DLGAP4: variants seen among roughly 807,000 people sequenced by gnomAD.
The protein encoded by DLGAP4 is DLG associated protein 4.
A neutral mutation model predicts 86.9 loss-of-function variants in DLGAP4; 18 were observed. The ratio of observed to expected loss-of-function variants is 0.21; its 90% CI spans 0.14 to 0.31. The LOEUF (loss-of-function observed/expected upper bound fraction) is 0.31, where lower values mean the gene tolerates loss of function less well. DLGAP4 is among the 10% of genes least tolerant of loss of function. The pLI, the probability that DLGAP4 is intolerant of heterozygous loss-of-function variation, is 1.00. For synonymous variants in DLGAP4, 548 were observed against 574.3 expected (o/e 0.95, Z 0.65); for missense variants, 1,085 against 1,362.6 (o/e 0.80, Z 3.21).
At chr20:36,522,156 T>C (rs2037418595) in intron 10 of DLGAP4, among the ~76,000 whole-genome samples, 1 of 152,114 alleles carries the variant, frequency 6.6e-6, no homozygotes, top group Non-Finnish European at 1.5e-5. Context: ...CCACACTCTT[T>C]CTTTTTTGTT....
chr20:36,507,528 G>A (rs183445997), intron 10 of DLGAP4, among the ~76,000 whole-genome samples: 209 of 152,182 alleles, frequency 1.4e-3, no homozygotes, highest in South Asian at 2.7e-3. Context: ...ACACCCAGCC[G>A]TGGCCACAAG....
At chr20:36,522,776 C>G (rs961246799) in intron 10 of DLGAP4, among the ~76,000 whole-genome samples, 1 of 152,058 alleles carries the variant, frequency 6.6e-6, no homozygotes, top group Non-Finnish European at 1.5e-5. Context: ...TCAGCCTCCC[C>G]CATCTTGTTT....
chr20:36,462,214 G>T (rs1329911776), intron 7 of DLGAP4: 3 of 1,135,300 alleles, frequency 2.6e-6, no homozygotes, highest in African/African-American at 3.3e-5. Flanking sequence ...CCCCCAATAT[G>T]TCCTCAGCTC....
At chr20:36,382,654 C>T (rs1383546924) in intron 2 of DLGAP4, among the ~76,000 whole-genome samples, 10 of 151,222 alleles carry the variant, frequency 6.6e-5, no homozygotes, top group African/African-American at 1.7e-4. Context: ...CTCAGCCTCC[C>T]GAGTAGCTGG....
chr20:36,335,337 G>A (rs2147365656), intron 1 of DLGAP4, among the ~76,000 whole-genome samples: 1 of 152,358 alleles, frequency 6.6e-6, no homozygotes, highest in South Asian at 2.1e-4. Context: ...CTGGGTTTCA[G>A]TCTCATCTTT....
At chr20:36,505,279 G>A (rs1015814654) in intron 10 of DLGAP4, among the ~76,000 whole-genome samples, 6 of 151,848 alleles carry the variant, frequency 4.0e-5, no homozygotes, top group African/African-American at 9.7e-5. Flanking sequence ...GAGCCACCAC[G>A]CCTGGCTGAC....
At chr20:36,485,514 C>T (rs1036463437) in intron 7 of DLGAP4, among the ~76,000 whole-genome samples, 6 of 152,140 alleles carry the variant, frequency 3.9e-5, no homozygotes, top group African/African-American at 4.8e-5. Context: ...CTGTGACCCC[C>T]GTTCAGGGAC....
intron 12 of DLGAP4, among the ~76,000 whole-genome samples, chr20:36,526,420 C>T (rs1736731479): frequency 6.6e-6 from 1 of 152,080 alleles, no homozygotes; most frequent in South Asian, 2.1e-4. Flanking sequence ...AACCAGTGAC[C>T]CCTGTTGAAC....
chr20:36,323,435 A>C (rs546609787), intron 1 of DLGAP4, among the ~76,000 whole-genome samples: 1 of 152,128 alleles, frequency 6.6e-6, no homozygotes, highest in Non-Finnish European at 1.5e-5. Flanking sequence ...GTGTATTGGT[A>C]AGTTTTCTTT....
At position 36,350,654 on chromosome 20, in the gene DLGAP4, C is replaced by T. The variant is rs1461859248; in HGVS notation, c.-303-16391C>T. ...GGGGCCTATCATGACCTCCTTTGTTCCAAAAAGTATCAGCCCAGGCCTCTG... is the reference window on the plus strand; with the variant it reads ...GGGGCCTATCATGACCTCCTTTGTTTCAAAAAGTATCAGCCCAGGCCTCTG... On this transcript the variant is annotated intron_variant, in intron 1 of 12. Coordinates refer to ENST00000339266, the MANE Select transcript of DLGAP4 (RefSeq NM_001365621.2). This position sits in a 1 kb window ranked among gnomAD's most constrained non-coding sequence, Gnocchi z 4.4. Among the ~76,000 whole-genome samples the T allele has an allele frequency of 6.6e-6, 1 of 152,206 alleles. No individual in the cohort carries two copies. The highest frequency in any genetic ancestry group is 1.5e-5 in the Non-Finnish European group (1 of 68,032).
At chr20:36,517,769 C>A (rs371165158) in intron 10 of DLGAP4, among the ~76,000 whole-genome samples, 16 of 152,272 alleles carry the variant, frequency 1.1e-4, no homozygotes, top group African/African-American at 3.6e-4. Flanking sequence ...TATTTTAGTA[C>A]ACTGCCGGGT....
chr20:36,493,539 C>A (rs922973506), intron 7 of DLGAP4, among the ~76,000 whole-genome samples: 2 of 152,234 alleles, frequency 1.3e-5, no homozygotes, highest in African/African-American at 2.4e-5. Flanking sequence ...CTGCCTCCGT[C>A]GAGGCCCTTT....
intron 2 of DLGAP4, among the ~76,000 whole-genome samples, chr20:36,410,057 C>G (rs2032454238): frequency 6.6e-6 from 1 of 151,806 alleles, no homozygotes; most frequent in South Asian, 2.1e-4. Flanking sequence ...AAAAAGTACT[C>G]CTCCTACTCT....
chr20:36,433,015 A>G (rs556276190), intron 3 of DLGAP4, among the ~76,000 whole-genome samples: 1 of 152,202 alleles, frequency 6.6e-6, no homozygotes, highest in South Asian at 2.1e-4. Flanking sequence ...TCACAGAACC[A>G]ATTGCATGAC....
At position 36,345,427 on chromosome 20, in the gene DLGAP4, G is replaced by C. The variant is rs2029907025; in HGVS notation, c.-303-21618G>C. On this transcript the variant is annotated intron_variant, in intron 1 of 12. Transcript: ENST00000339266. Reference sequence around the variant, plus strand: ...ACACACTGTGGCAGATAGAGCGTTGGCTCTGGGGCCAGCTGGCCTAAGTTC... The same window carrying C: ...ACACACTGTGGCAGATAGAGCGTTGCCTCTGGGGCCAGCTGGCCTAAGTTC... 1.3e-5 allele frequency among the ~76,000 whole-genome samples: 2 copies of C among 152,208 alleles called. 1 individual carries two copies. The highest frequency in any genetic ancestry group is 4.1e-4 in the South Asian group (2 of 4,834).
At chr20:36,342,658 G>T (rs191015132) in intron 1 of DLGAP4, among the ~76,000 whole-genome samples, 1 of 152,336 alleles carries the variant, frequency 6.6e-6, no homozygotes, top group Admixed American at 6.5e-5. Flanking sequence ...TGGGATGGAG[G>T]TAACCTCTGC....
intron 7 of DLGAP4, among the ~76,000 whole-genome samples, chr20:36,456,343 A>G (rs2147601826): frequency 6.6e-6 from 1 of 152,254 alleles, no homozygotes; most frequent in East Asian, 1.9e-4. Context: ...AGTCCTGGTA[A>G]AGCAGTACAA....
intron 7 of DLGAP4, among the ~76,000 whole-genome samples, chr20:36,484,727 G>A (rs2035334818): frequency 6.6e-6 from 1 of 152,382 alleles, no homozygotes; most frequent in South Asian, 2.1e-4. Context: ...GGCTCTGATG[G>A]ACAGTCTTCC....
chr20:36,341,858 G>A (rs914069020), intron 1 of DLGAP4, among the ~76,000 whole-genome samples: 8 of 152,168 alleles, frequency 5.3e-5, no homozygotes, highest in African/African-American at 1.2e-4. Flanking sequence ...CTGGGGCGCC[G>A]TCCCCAGCAC....
Sources: allele counts gnomAD v4.1 joint callset (sites outside exome capture counted in the v4.1 genomes callset), GRCh38; gene constraint gnomAD v4.1.1; non-coding constraint Gnocchi (gnomAD v3.1); transcripts MANE v1.5; gene names NCBI Gene and HGNC (gene_info 2026-07-23, HGNC 2026-07-21).